Variants in RAB3GAP2 observed in about 807,000 individuals in gnomAD.
RAB3GAP2 encodes the protein RAB3 GTPase activating non-catalytic protein subunit 2, also known as rab3 GTPase-activating protein non-catalytic subunit.
In RAB3GAP2, 87 loss-of-function variants were observed where a neutral mutation model predicts 185.3. That is an observed-to-expected ratio of 0.47 (90% CI 0.39 to 0.56). The LOEUF (loss-of-function observed/expected upper bound fraction) is 0.56, where lower values mean the gene tolerates loss of function less well. RAB3GAP2 is among the 20% of genes least tolerant of loss of function. The pLI is 0.00. For synonymous variants in RAB3GAP2, 554 were observed against 576.1 expected, an observed-to-expected ratio of 0.96 and a Z score of 0.55; for missense variants, 1,492 against 1,638.2, an observed-to-expected ratio of 0.91 and a Z score of 1.54.
At chr1:220,232,701 C>A (rs747902899) in intron 2 of RAB3GAP2, 98 bp downstream of exon 2, 393 of 1,128,556 alleles carry the variant, frequency 3.5e-4, no homozygotes, top group Non-Finnish European at 4.9e-4. Flanking sequence ...TTCTTGACAT[C>A]GAATTTAAAA....
At chr1:220,238,627 A>G (rs1659637649) in intron 1 of RAB3GAP2, among the ~76,000 whole-genome samples, 1 of 152,106 alleles carries the variant, frequency 6.6e-6, no homozygotes, top group Admixed American at 6.5e-5. Context: ...CTCCAAATAC[A>G]ACATTCTCTC....
At chr1:220,217,243 C>T (rs1163350459) in intron 2 of RAB3GAP2, among the ~76,000 whole-genome samples, 2 of 152,082 alleles carry the variant, frequency 1.3e-5, no homozygotes, top group Admixed American at 6.6e-5. Flanking sequence ...TGACTCTAAT[C>T]TCATATTCAG....
At chr1:220,252,152 G>GAAAAAAAAAAAAAAAAAAAAAAAA (rs58516168) in intron 1 of RAB3GAP2, among the ~76,000 whole-genome samples, 1 of 95,998 alleles carries the variant, frequency 1.0e-5, no homozygotes, top group Non-Finnish European at 2.1e-5. Context: ...CTCAAAAAAA[G>GAAAAAAAAAAAAAAAAAAAAAAAA]AAAAAAAAAA....
chr1:220,158,005 T>C lies in RAB3GAP2; in HGVS notation c.3262-129A>G. 3 of 747,754 alleles carry C rather than the reference T, an allele frequency of 4.0e-6. No homozygotes were observed. In the South Asian group the frequency reaches 4.6e-5, roughly 11 times the overall value. 46.3% of individuals were successfully genotyped at this position (747,754 alleles called of 1,614,324 possible). On this transcript the variant is annotated intron_variant, in intron 29 of 34. Transcript: ENST00000358951. The surrounding 1 kb of genome is among the most constrained non-coding windows in gnomAD (Gnocchi z 4.3). ...CCACACTGAATAGACAGGCAAGAAT[T>C]TGAAAGTCAAGGCATTAGCATATTT... is the stretch of plus-strand genomic sequence containing the variant.
chr1:220,185,830 C>A (rs1658497748), intron 17 of RAB3GAP2, 89 bp from the exon 18 acceptor site: 2 of 941,198 alleles, frequency 2.1e-6, no homozygotes, highest in Non-Finnish European at 3.4e-6. Flanking sequence ...CTTTCACTAC[C>A]CCAAATTTCA....
chr1:220,184,632 A>G (rs1041707230), intron 18 of RAB3GAP2, among the ~76,000 whole-genome samples: 2 of 152,196 alleles, frequency 1.3e-5, no homozygotes, highest in Admixed American at 1.3e-4. Context: ...AACTGACCAC[A>G]CAAAATGATT....
At chr1:220,218,242 C>T (rs899035097) in intron 2 of RAB3GAP2, among the ~76,000 whole-genome samples, 2 of 152,112 alleles carry the variant, frequency 1.3e-5, no homozygotes, top group Non-Finnish European at 2.9e-5. Context: ...TTTTCTATGT[C>T]CTTTCTACTT....
intron 28 of RAB3GAP2, among the ~76,000 whole-genome samples, chr1:220,161,182 G>C (rs1304575721): frequency 6.6e-6 from 1 of 152,110 alleles, no homozygotes. Flanking sequence ...ATTCAGTCAA[G>C]GAAGATGAGC....
intron 1 of RAB3GAP2, among the ~76,000 whole-genome samples, chr1:220,245,067 T>C (rs1273049329): frequency 6.6e-6 from 1 of 151,568 alleles, no homozygotes; most frequent in Non-Finnish European, 1.5e-5. Context: ...TCAAAAACCA[T>C]GCATCTGTCA....
At chr1:220,160,665 A>G (rs1054117245) in intron 28 of RAB3GAP2, among the ~76,000 whole-genome samples, 15 of 152,184 alleles carry the variant, frequency 9.9e-5, no homozygotes, top group Admixed American at 3.9e-4. Flanking sequence ...TCTGAATCCA[A>G]CAAGTTGCCT....
chr1:220,182,902 T>C lies in RAB3GAP2; in HGVS notation c.2028A>G (p.Glu676=). 3.7e-6 allele frequency: 6 copies of C among 1,613,340 alleles called. No homozygotes were observed. Among genetic ancestry groups the C allele is most frequent in the Non-Finnish European group, 5.1e-6 (6 of 1,179,604 alleles). ...ATGCCTGGAGCTTAAGCAGTTCTTT[T>C]TCATCAAGCCTTAGTAACAGAGCCA... is the stretch of plus-strand genomic sequence containing the variant. The part of the protein sequence containing the change: ...NDLALLLRLD[E]KELLKLQALL... Residue 676 remains glutamate (E), a synonymous_variant, in exon 20 of 35, where the codon GAA becomes GAG. Transcript: ENST00000358951.
intron 9 of RAB3GAP2, chr1:220,200,796 C>A: frequency 2.7e-6 from 1 of 371,762 alleles, no homozygotes; most frequent in Admixed American, 3.7e-5. Flanking sequence ...GCCTGTGTGT[C>A]AGATATCCTT....
At chr1:220,179,078 G>A (rs1332896742) in intron 21 of RAB3GAP2, among the ~76,000 whole-genome samples, 1 of 151,932 alleles carries the variant, frequency 6.6e-6, no homozygotes, top group Non-Finnish European at 1.5e-5. Context: ...AAAAAGAGCA[G>A]GAGAAGCTGT....
intron 19 of RAB3GAP2, 132 bp from the exon 20 acceptor site, chr1:220,183,063 C>T (rs1419701144): frequency 5.7e-6 from 4 of 703,960 alleles, no homozygotes; most frequent in Non-Finnish European, 9.6e-6. Flanking sequence ...CTGCTTAAAA[C>T]TTTACTTACA....
intron 7 of RAB3GAP2, among the ~76,000 whole-genome samples, chr1:220,209,948 G>A (rs1659048011): frequency 1.3e-5 from 2 of 152,090 alleles, no homozygotes; most frequent in South Asian, 4.1e-4. Context: ...TTTCCACTAT[G>A]AACAAAAGCT....
intron 1 of RAB3GAP2, among the ~76,000 whole-genome samples, chr1:220,259,533 T>C (rs1389848652): frequency 6.6e-6 from 1 of 152,150 alleles, no homozygotes; most frequent in African/African-American, 2.4e-5. Flanking sequence ...GACTACTGCC[T>C]AGCCATATGC....
At chr1:220,198,698 G>A (rs1383978698) in intron 9 of RAB3GAP2, among the ~76,000 whole-genome samples, 1 of 152,010 alleles carries the variant, frequency 6.6e-6, no homozygotes, top group African/African-American at 2.4e-5. Flanking sequence ...GCTACTTACT[G>A]TAATTACATT....
chr1:220,208,739 C>G (rs182976712), intron 7 of RAB3GAP2, among the ~76,000 whole-genome samples: 2 of 150,942 alleles, frequency 1.3e-5, no homozygotes, highest in Non-Finnish European at 2.9e-5. Context: ...TTTTTTGAGA[C>G]GGAGTCTCGC....
intron 1 of RAB3GAP2, chr1:220,267,758 A>T: frequency 6.5e-7 from 1 of 1,538,552 alleles, no homozygotes; most frequent in Non-Finnish European, 9.0e-7. Context: ...CACGCTGCGA[A>T]GAATTTGAAG....
Sources: gnomAD v4.1 joint callset for allele counts (sites outside exome capture counted in the v4.1 genomes callset) on GRCh38, gnomAD v4.1.1 for gene constraint, Gnocchi (gnomAD v3.1) non-coding constraint, MANE v1.5 for transcripts, NCBI Gene and HGNC (gene_info 2026-07-23, HGNC 2026-07-21) for gene names.